The following XIRP2 variants were observed in gnomAD, a reference collection of about 807,000 sequenced individuals.
XIRP2 encodes xin actin binding repeat containing 2, also known as xin actin-binding repeat-containing protein 2.
A neutral mutation model predicts 277.0 loss-of-function variants in XIRP2; 236 were observed. That is an observed-to-expected ratio of 0.85 (90% CI 0.77 to 0.95). The LOEUF is 0.95. Ranked by LOEUF, XIRP2 falls within the 40% of genes least tolerant of loss-of-function variation. The pLI is 0.00. For missense variants in XIRP2, 4,640 were observed against 4,157.5 expected (o/e 1.12, Z -3.19); for synonymous variants, 1,490 against 1,416.5 (o/e 1.05, Z -1.17).
intron 2 of XIRP2, among the ~76,000 whole-genome samples, chr2:167,116,052 G>A (rs1690888247): frequency 1.3e-5 from 2 of 152,122 alleles, no homozygotes; most frequent in South Asian, 2.1e-4. Context: ...TTATGGCCTA[G>A]AATATGGTCT....
At chr2:167,235,342 C>T (rs564404768) in intron 5 of XIRP2, among the ~76,000 whole-genome samples, 3 of 151,630 alleles carry the variant, frequency 2.0e-5, no homozygotes, top group South Asian at 2.1e-4. Context: ...GGATGACCAA[C>T]CAAAATGACA....
chr2:167,188,744 G>A lies in XIRP2; in HGVS notation c.563-21991G>A, dbSNP rs147137351. Among the ~76,000 whole-genome samples, 37 of 152,294 alleles carry A rather than the reference G, an allele frequency of 2.4e-4. No individual in the cohort carries two copies. In the East Asian group the frequency reaches 3.9e-3, roughly 16 times the overall value. On this transcript the variant is annotated intron_variant, in intron 3 of 10. Coordinates refer to ENST00000409195, the MANE Select transcript of XIRP2 (RefSeq NM_152381.6). ...TAGGTCCATTTCTAAAAGTCAGTCC[G>A]CATTTCAGATGCCTGCACTATGGCA...
chr2:166,986,109 A>G (rs1686997717), intron 2 of XIRP2, among the ~76,000 whole-genome samples: 1 of 152,170 alleles, frequency 6.6e-6, no homozygotes, highest in South Asian at 2.1e-4. Context: ...CCTCTGACAG[A>G]GGAGGTTTGG....
chr2:166,897,831 A>C (rs1238145498), intron 1 of XIRP2, among the ~76,000 whole-genome samples: 1 of 152,106 alleles, frequency 6.6e-6, no homozygotes, highest in Admixed American at 6.6e-5. Flanking sequence ...AAGGCCATGC[A>C]GTGGGGGTTG....
chr2:167,058,634 T>C (rs1689097023), intron 2 of XIRP2, among the ~76,000 whole-genome samples: 1 of 152,150 alleles, frequency 6.6e-6, no homozygotes, highest in Non-Finnish European at 1.5e-5. Flanking sequence ...TCCAGCAGAA[T>C]AGCCTGGGCC....
intron 2 of XIRP2, among the ~76,000 whole-genome samples, chr2:166,945,765 G>A (rs534984207): frequency 2.5e-4 from 37 of 146,372 alleles, no homozygotes; most frequent in African/African-American, 8.7e-4. Context: ...TCCAACTCCC[G>A]GGTTCAAGCG....
intron 3 of XIRP2, among the ~76,000 whole-genome samples, chr2:167,197,062 G>A (rs1267094046): frequency 6.6e-6 from 1 of 152,130 alleles, no homozygotes; most frequent in East Asian, 1.9e-4. Context: ...AAATTGACTG[G>A]TTTCACTTTC....
intron 2 of XIRP2, among the ~76,000 whole-genome samples, chr2:166,920,216 A>G (rs932462926): frequency 2.0e-5 from 3 of 152,152 alleles, no homozygotes; most frequent in African/African-American, 7.2e-5. Context: ...CACAATCATC[A>G]TAGAAGGCAA....
At chr2:167,203,960 A>AT (rs921911890) in intron 3 of XIRP2, among the ~76,000 whole-genome samples, 25 of 150,524 alleles carry the variant, frequency 1.7e-4, no homozygotes, top group South Asian at 6.3e-4. Flanking sequence ...TTCTCAATCA[A>AT]TTTTTTTTTT....
chr2:167,111,195 G>T (rs1448941983), intron 2 of XIRP2, among the ~76,000 whole-genome samples: 3 of 152,048 alleles, frequency 2.0e-5, no homozygotes, highest in African/African-American at 7.2e-5. Context: ...GTTATGGCCA[G>T]GCCTTCCAAT....
intron 3 of XIRP2, among the ~76,000 whole-genome samples, chr2:167,198,353 A>G (rs1693581616): frequency 1.3e-5 from 2 of 152,212 alleles, no homozygotes; most frequent in African/African-American, 4.8e-5. Flanking sequence ...TATAGTTTTA[A>G]TATGTAAACA....
At position 167,052,365 on chromosome 2, in the gene XIRP2, C is replaced by T. The variant is rs114911230; in HGVS notation, c.409-83544C>T. Reference sequence around the variant, plus strand: ...ATTCTATCTAATCCAATTAAAATCTCGTTTTTCGTGTTTCATTTACTTAAT... The same window carrying T: ...ATTCTATCTAATCCAATTAAAATCTTGTTTTTCGTGTTTCATTTACTTAAT... On this transcript the variant is annotated intron_variant, in intron 2 of 10. Coordinates refer to ENST00000409195, the MANE Select transcript of XIRP2 (RefSeq NM_152381.6). Among the ~76,000 whole-genome samples, 381 of 152,024 alleles carry T rather than the reference C, an allele frequency of 2.5e-3. 2 individuals carry two copies. Among genetic ancestry groups the T allele is most frequent in the African/African-American group, 8.7e-3 (362 of 41,466 alleles).
At chr2:166,889,005 TCG>T (rs932642881) in intron 1 of XIRP2, among the ~76,000 whole-genome samples, 26 of 152,114 alleles carry the variant, frequency 1.7e-4, no homozygotes, top group Admixed American at 1.7e-3. Flanking sequence ...CAGAGAGGAC[TCG>T]CCAGGGACAA....
chr2:166,968,964 T>C lies in XIRP2; in HGVS notation c.408+65074T>C, dbSNP rs73973541. 3.2e-3 allele frequency among the ~76,000 whole-genome samples: 487 copies of C among 152,082 alleles called. 4 individuals are homozygous for C. The highest frequency in any genetic ancestry group is 0.011 in the African/African-American group (462 of 41,518). ...GAGCTTAAATAATAAATAAGTTTAC[T>C]TCTTCACAAAACAGAAAAGCCTGAG... On this transcript the variant is annotated intron_variant, in intron 2 of 10. Transcript: ENST00000409195.
rs1574009230 is a variant in XIRP2, at chr2:167,258,702, A to G, written c.*885A>G. 6.2e-7 allele frequency: 1 copy of G among 1,613,202 alleles called. No homozygotes were observed. Among genetic ancestry groups the G allele is most frequent in the Non-Finnish European group, 8.5e-7 (1 of 1,179,580 alleles). ...AATTATGTAGCAGTCTCATATCTGAATAATTGCAGGCAGAAGACATCTATT... is the reference window on the plus strand; with the variant it reads ...AATTATGTAGCAGTCTCATATCTGAGTAATTGCAGGCAGAAGACATCTATT... On this transcript the variant is annotated 3_prime_UTR_variant, in exon 11 of 11. Coordinates refer to ENST00000409195, the MANE Select transcript of XIRP2 (RefSeq NM_152381.6).
At chr2:167,226,066 C>G (rs905683665) in intron 5 of XIRP2, among the ~76,000 whole-genome samples, 1 of 152,178 alleles carries the variant, frequency 6.6e-6, no homozygotes, top group African/African-American at 2.4e-5. Flanking sequence ...TGGGACGTCT[C>G]AGTTCCTGAC....
intron 2 of XIRP2, among the ~76,000 whole-genome samples, chr2:167,112,278 T>A (rs1690779482): frequency 6.6e-6 from 1 of 152,028 alleles, no homozygotes; most frequent in Non-Finnish European, 1.5e-5. Context: ...TCTTTCTAAC[T>A]TTTTAATGTG....
intron 2 of XIRP2, among the ~76,000 whole-genome samples, chr2:167,020,717 A>G (rs1407245949): frequency 6.6e-6 from 1 of 151,982 alleles, no homozygotes; most frequent in African/African-American, 2.4e-5. Flanking sequence ...ATGATTTATT[A>G]TATCTCTTTC....
intron 3 of XIRP2, among the ~76,000 whole-genome samples, chr2:167,208,011 T>C (rs1371405069): frequency 6.6e-6 from 1 of 152,186 alleles, no homozygotes; most frequent in Non-Finnish European, 1.5e-5. Context: ...AATGCATGCT[T>C]TCTATGTTTA....
Sources: gnomAD v4.1 joint callset for allele counts (sites outside exome capture counted in the v4.1 genomes callset) on GRCh38, gnomAD v4.1.1 for gene constraint, MANE v1.5 for transcripts, NCBI Gene and HGNC (gene_info 2026-07-23, HGNC 2026-07-21) for gene names.